The following PEX14 variants were observed in gnomAD, a reference collection of about 807,000 sequenced individuals.
The protein encoded by PEX14 is peroxisomal membrane protein PEX14.
Under a neutral mutation model 49.5 loss-of-function variants are expected in PEX14, and 15 were observed. The observed-to-expected ratio is 0.30, with a 90% CI of 0.20 to 0.47. The LOEUF (loss-of-function observed/expected upper bound fraction) is 0.47. Among genes scored for constraint, PEX14 ranks in the 20% least tolerant of loss-of-function variants. The probability of loss-of-function intolerance (pLI) is 1.00; values close to 1 mark genes in which losing one functional copy is unlikely to be tolerated. For synonymous variants in PEX14, 210 were observed against 212.7 expected, an observed-to-expected ratio of 0.99 and a Z score of 0.11; for missense variants, 398 against 494.8, an observed-to-expected ratio of 0.80 and a Z score of 1.86.
chr1:10,566,461 TTTTA>T (rs1344887388), intron 3 of PEX14, among the ~76,000 whole-genome samples: 2 of 151,800 alleles, frequency 1.3e-5, no homozygotes, highest in Non-Finnish European at 1.5e-5. Context: ...GGCAGAATTT[TTTTA>T]TTTATCTATC....
At chr1:10,564,735 G>A (rs1209315134) in intron 3 of PEX14, among the ~76,000 whole-genome samples, 1 of 151,070 alleles carries the variant, frequency 6.6e-6, no homozygotes, top group Non-Finnish European at 1.5e-5. Flanking sequence ...TGCCTAACCT[G>A]ATGCCTTTTA....
chr1:10,552,856 C>T (rs773279056), intron 3 of PEX14, among the ~76,000 whole-genome samples: 13 of 152,090 alleles, frequency 8.5e-5, no homozygotes, highest in Non-Finnish European at 8.8e-5. Flanking sequence ...CCCCTTTATC[C>T]GAGCCCTGCA....
At chr1:10,519,438 A>ACTTTC (rs1642028271) in intron 2 of PEX14, among the ~76,000 whole-genome samples, 1 of 152,142 alleles carries the variant, frequency 6.6e-6, no homozygotes, top group Non-Finnish European at 1.5e-5. Context: ...ACCTGGCGAA[A>ACTTTC]AGACTCGGAC....
At chr1:10,497,444 T>C (rs980836521) in intron 2 of PEX14, among the ~76,000 whole-genome samples, 1 of 152,224 alleles carries the variant, frequency 6.6e-6, no homozygotes, top group Non-Finnish European at 1.5e-5. Flanking sequence ...ATGCTCAGCT[T>C]AGCTCAGCTC....
intron 4 of PEX14, among the ~76,000 whole-genome samples, chr1:10,617,868 C>T (rs1439213254): frequency 6.6e-6 from 1 of 152,174 alleles, no homozygotes; most frequent in Non-Finnish European, 1.5e-5. Flanking sequence ...CCACGGTCCC[C>T]CTCTCCACTT....
intron 2 of PEX14, among the ~76,000 whole-genome samples, chr1:10,513,642 A>G (rs989827892): frequency 1.1e-4 from 16 of 152,188 alleles, no homozygotes; most frequent in African/African-American, 3.1e-4. Context: ...TTTAGTGCTC[A>G]TGGCCTGCTC....
chr1:10,599,954 C>T (rs1015577278), intron 4 of PEX14, among the ~76,000 whole-genome samples: 8 of 152,094 alleles, frequency 5.3e-5, no homozygotes, highest in Non-Finnish European at 8.8e-5. Flanking sequence ...AGGGGTCTTT[C>T]GTTGTCTTAA....
chr1:10,480,013 AAAAT>A (rs1188537607), intron 1 of PEX14, among the ~76,000 whole-genome samples: 1 of 152,160 alleles, frequency 6.6e-6, no homozygotes. Flanking sequence ...TATCACTTAA[AAAAT>A]AAATAAATAA....
At chr1:10,496,823 G>T (rs1203969776) in intron 2 of PEX14, among the ~76,000 whole-genome samples, 1 of 151,716 alleles carries the variant, frequency 6.6e-6, no homozygotes, top group Non-Finnish European at 1.5e-5. Flanking sequence ...AACCCTAGTA[G>T]CCTGTGATCG....
intron 3 of PEX14, among the ~76,000 whole-genome samples, chr1:10,583,745 A>T (rs1640399297): frequency 6.6e-6 from 1 of 152,128 alleles, no homozygotes; most frequent in Admixed American, 6.5e-5. Flanking sequence ...CTCTAAGATA[A>T]CATTTTGAGC....
intron 3 of PEX14, among the ~76,000 whole-genome samples, chr1:10,567,871 T>C (rs1011545925): frequency 1.3e-5 from 2 of 152,138 alleles, no homozygotes; most frequent in African/African-American, 4.8e-5. Context: ...GCTCAAGTGA[T>C]CCTCCTGCCT....
At chr1:10,588,492 G>T (rs1402791005) in intron 3 of PEX14, among the ~76,000 whole-genome samples, 2 of 152,118 alleles carry the variant, frequency 1.3e-5, no homozygotes, top group African/African-American at 4.8e-5. Context: ...GGTACCCGAG[G>T]CCAACCAAAG....
chr1:10,481,408 G>C (rs1176887901), intron 1 of PEX14, among the ~76,000 whole-genome samples: 1 of 151,720 alleles, frequency 6.6e-6, no homozygotes, highest in Non-Finnish European at 1.5e-5. Context: ...CCACAGTGCT[G>C]GGAGCCACCG....
At chr1:10,608,804 A>G (rs945679488) in intron 4 of PEX14, among the ~76,000 whole-genome samples, 1 of 152,140 alleles carries the variant, frequency 6.6e-6, no homozygotes, top group Admixed American at 6.5e-5. Flanking sequence ...CATTTCAACT[A>G]TACAATTCAA....
chr1:10,537,213 G>A (rs1638832160), intron 3 of PEX14, among the ~76,000 whole-genome samples: 1 of 151,838 alleles, frequency 6.6e-6, no homozygotes. Context: ...GCACTAACAG[G>A]GTTTGGGCAG....
At position 10,546,266 on chromosome 1, in the gene PEX14, A is replaced by G. The variant is rs556926425; in HGVS notation, c.169+9969A>G. On this transcript the variant is annotated intron_variant, in intron 3 of 8. Coordinates refer to ENST00000356607, the MANE Select transcript of PEX14 (RefSeq NM_004565.3). ...CTCTAGGAATTTTGAGCAGAGAGGG[A>G]TTTAATACAGGCAGTTAGGCCGGGT... Among the ~76,000 whole-genome samples, 3 of 152,128 alleles carry G rather than the reference A, an allele frequency of 2.0e-5. No homozygotes were observed. The South Asian group carries it at 6.2e-4, about 31-fold the overall frequency.
chr1:10,584,894 G>A (rs1461901540), intron 3 of PEX14, among the ~76,000 whole-genome samples: 1 of 152,198 alleles, frequency 6.6e-6, no homozygotes, highest in Non-Finnish European at 1.5e-5. Context: ...TATTGACTGT[G>A]TAAAATAAGA....
intron 4 of PEX14, among the ~76,000 whole-genome samples, chr1:10,605,640 G>T (rs1641104616): frequency 6.6e-6 from 1 of 152,190 alleles, no homozygotes; most frequent in Non-Finnish European, 1.5e-5. Context: ...CAGAAAGCAT[G>T]CATGGGTGGC....
intron 3 of PEX14, among the ~76,000 whole-genome samples, chr1:10,555,556 G>A (rs1639460881): frequency 1.3e-5 from 2 of 152,144 alleles, no homozygotes; most frequent in Admixed American, 6.5e-5. Context: ...GGAGCTCTGT[G>A]TTTGAAATTA....
Sources: gnomAD v4.1 joint callset for allele counts (sites outside exome capture counted in the v4.1 genomes callset) on GRCh38, gnomAD v4.1.1 for gene constraint, MANE v1.5 for transcripts, NCBI Gene and HGNC (gene_info 2026-07-23, HGNC 2026-07-21) for gene names.